Variants in FSTL5 observed in about 807,000 individuals in gnomAD.
FSTL5 encodes follistatin-related protein 5.
Under a neutral mutation model 89.1 loss-of-function variants are expected in FSTL5, and 62 were observed. The ratio of observed to expected loss-of-function variants is 0.70; its 90% CI spans 0.57 to 0.86. The LOEUF (loss-of-function observed/expected upper bound fraction) is 0.86, where lower values mean the gene tolerates loss of function less well. Ranked by LOEUF, FSTL5 falls within the 40% of genes least tolerant of loss-of-function variation. The probability of loss-of-function intolerance (pLI) is 0.00; values close to 1 mark genes in which losing one functional copy is unlikely to be tolerated. For missense variants in FSTL5, 1,057 were observed against 1,001.6 expected, an observed-to-expected ratio of 1.06 and a Z score of -0.75; for synonymous variants, 383 against 346.2, an observed-to-expected ratio of 1.11 and a Z score of -1.18.
chr4:161,900,171 C>A (rs147688282), intron 4 of FSTL5, among the ~76,000 whole-genome samples: 1 of 150,932 alleles, frequency 6.6e-6, no homozygotes, highest in Non-Finnish European at 1.5e-5. Flanking sequence ...CTCCAGCCTG[C>A]GTGACAGAGC....
intron 3 of FSTL5, among the ~76,000 whole-genome samples, chr4:161,968,382 T>C (rs6833378): frequency 0.021 from 3,249 of 152,218 alleles, 114 homozygotes; most frequent in African/African-American, 0.072. Context: ...ATCTTTGTGA[T>C]AACTATGTCT....
chr4:161,604,921 A>G (rs533392603), intron 7 of FSTL5, among the ~76,000 whole-genome samples: 22 of 152,282 alleles, frequency 1.4e-4, no homozygotes, highest in African/African-American at 5.1e-4. Context: ...TAGGTGAAAT[A>G]TTTACAGAAT....
At chr4:161,627,548 G>T (rs552975276) in intron 7 of FSTL5, among the ~76,000 whole-genome samples, 1 of 152,124 alleles carries the variant, frequency 6.6e-6, no homozygotes, top group African/African-American at 2.4e-5. Flanking sequence ...CAAGATCTCC[G>T]AGGCATGCCT....
At chr4:161,798,251 T>C (rs933466839) in intron 4 of FSTL5, among the ~76,000 whole-genome samples, 1 of 151,494 alleles carries the variant, frequency 6.6e-6, no homozygotes, top group African/African-American at 2.4e-5. Context: ...CAAGGGAGAG[T>C]GAACAATATT....
At chr4:162,110,730 T>A (rs1731403234) in intron 2 of FSTL5, among the ~76,000 whole-genome samples, 1 of 151,642 alleles carries the variant, frequency 6.6e-6, no homozygotes, top group Non-Finnish European at 1.5e-5. Flanking sequence ...AATATCAGTT[T>A]ATTTTATACT....
chr4:161,709,222 T>C (rs1157339010), intron 6 of FSTL5, among the ~76,000 whole-genome samples: 1 of 152,142 alleles, frequency 6.6e-6, no homozygotes, highest in Non-Finnish European at 1.5e-5. Context: ...TTATTTTACG[T>C]AAAATCATTT....
intron 6 of FSTL5, among the ~76,000 whole-genome samples, chr4:161,706,856 G>T (rs1373058579): frequency 6.6e-6 from 1 of 151,852 alleles, no homozygotes; most frequent in Non-Finnish European, 1.5e-5. Flanking sequence ...TCTAAATTAT[G>T]CTCTCAAAAG....
At chr4:161,460,459 A>G (rs770174035) in intron 13 of FSTL5, among the ~76,000 whole-genome samples, 2 of 88,408 alleles carry the variant, frequency 2.3e-5, no homozygotes, top group Admixed American at 1.7e-4. Flanking sequence ...TCATTGTTCA[A>G]TTCCCACCTA....
intron 2 of FSTL5, among the ~76,000 whole-genome samples, chr4:162,078,067 T>A (rs1015493847): frequency 1.3e-5 from 2 of 151,896 alleles, no homozygotes; most frequent in Non-Finnish European, 2.9e-5. Context: ...TGATTTAGCA[T>A]CTGTACATAG....
In FSTL5 at chr4:161,952,004, G is replaced by A. The variant is rs372567702; in HGVS notation, c.161-31352C>T. ...CTTGAAATATTCTTCTAGGTATTGT[G>A]TCTTTACTCAGTGATGGTAATGAAA... is the stretch of plus-strand genomic sequence containing the variant. On this transcript the variant is annotated intron_variant, in intron 3 of 15. Coordinates refer to ENST00000306100, the MANE Select transcript of FSTL5 (RefSeq NM_020116.5). Among the ~76,000 whole-genome samples the A allele has an allele frequency of 4.7e-4, 71 of 152,048 alleles. 1 individual carries two copies. The South Asian group carries it at 0.015, about 31-fold the overall frequency.
At chr4:161,884,854 T>G (rs1029031033) in intron 4 of FSTL5, among the ~76,000 whole-genome samples, 2 of 152,180 alleles carry the variant, frequency 1.3e-5, no homozygotes, top group Non-Finnish European at 2.9e-5. Flanking sequence ...TGAGATCTCA[T>G]AGACCAAATT....
rs542524604 is a variant in FSTL5, at chr4:161,768,106, G to A, written c.606+7772C>T. 2.0e-4 allele frequency among the ~76,000 whole-genome samples: 30 copies of A among 152,112 alleles called. No individual in the cohort carries two copies. The South Asian group carries it at 6.0e-3, about 31-fold the overall frequency. Reference sequence around the variant, plus strand: ...AAAAGTGGGTGTGATACACACTTGAGGAAATTGAAAAATATGAGGATTTTA... The same window carrying A: ...AAAAGTGGGTGTGATACACACTTGAAGAAATTGAAAAATATGAGGATTTTA... On this transcript the variant is annotated intron_variant, in intron 5 of 15. Transcript: ENST00000306100.
intron 3 of FSTL5, among the ~76,000 whole-genome samples, chr4:162,028,297 C>A (rs1438957162): frequency 6.6e-6 from 1 of 152,106 alleles, no homozygotes; most frequent in Non-Finnish European, 1.5e-5. Context: ...CATGTATTGG[C>A]CAGGTGAGGT....
intron 15 of FSTL5, among the ~76,000 whole-genome samples, chr4:161,425,809 A>G (rs553030671): frequency 6.6e-6 from 1 of 152,318 alleles, no homozygotes; most frequent in Non-Finnish European, 1.5e-5. Context: ...CACACAGCTC[A>G]CTTATTGAAG....
chr4:161,866,918 C>T (rs2126896153), intron 4 of FSTL5, among the ~76,000 whole-genome samples: 1 of 151,888 alleles, frequency 6.6e-6, no homozygotes, highest in South Asian at 2.1e-4. Flanking sequence ...TAAGTGGTAA[C>T]TTTTTCACTC....
At position 161,543,677 on chromosome 4, in the gene FSTL5, A is replaced by G. The variant is rs758806187; in HGVS notation, c.1016-984T>C. Among the ~76,000 whole-genome samples the G allele has an allele frequency of 1.1e-4, 16 of 152,108 alleles. No homozygotes were observed. The Middle Eastern group carries it at 0.01, about 97-fold the overall frequency. On this transcript the variant is annotated intron_variant, in intron 8 of 15. Transcript: ENST00000306100. Reference sequence around the variant, plus strand: ...ACATTGATGGTCATTTTTTTTCCCAATTATTCTGGGACAATTGGAAAACCA... The same window carrying G: ...ACATTGATGGTCATTTTTTTTCCCAGTTATTCTGGGACAATTGGAAAACCA...
intron 15 of FSTL5, among the ~76,000 whole-genome samples, chr4:161,449,818 TTA>T (rs1733095563): frequency 6.6e-6 from 1 of 152,196 alleles, no homozygotes; most frequent in African/African-American, 2.4e-5. Context: ...GGATTTCTAC[TTA>T]TAACACCAAA....
chr4:161,590,968 T>C (rs1462875648), intron 7 of FSTL5, among the ~76,000 whole-genome samples: 1 of 152,228 alleles, frequency 6.6e-6, no homozygotes, highest in Non-Finnish European at 1.5e-5. Flanking sequence ...TGCAAATGTA[T>C]GCAAATGTGC....
At chr4:161,463,935 T>C (rs1733662496) in intron 13 of FSTL5, among the ~76,000 whole-genome samples, 1 of 152,198 alleles carries the variant, frequency 6.6e-6, no homozygotes, top group African/African-American at 2.4e-5. Context: ...CATTATCACA[T>C]GGTGTCTAAC....
Sources: allele counts gnomAD v4.1 joint callset (sites outside exome capture counted in the v4.1 genomes callset), GRCh38; gene constraint gnomAD v4.1.1; transcripts MANE v1.5; gene names NCBI Gene and HGNC (gene_info 2026-07-23, HGNC 2026-07-21).